PIEZO2: variants seen among roughly 807,000 people sequenced by gnomAD.
PIEZO2 encodes the protein piezo type mechanosensitive ion channel component 2.
In PIEZO2, 172 loss-of-function variants were observed where a neutral mutation model predicts 337.3. The ratio of observed to expected loss-of-function variants is 0.51; its 90% CI spans 0.45 to 0.58. The LOEUF (loss-of-function observed/expected upper bound fraction) is 0.58, where lower values mean the gene tolerates loss of function less well. Among genes scored for constraint, PIEZO2 ranks in the 20% least tolerant of loss-of-function variants. The probability of loss-of-function intolerance (pLI) is 0.00; values close to 1 mark genes in which losing one functional copy is unlikely to be tolerated. For missense variants in PIEZO2, 3,028 were observed against 3,391.3 expected (o/e 0.89, Z 2.66); for synonymous variants, 1,251 against 1,228.5 (o/e 1.02, Z -0.38).
Position 10,929,129 on chromosome 18 carries a change from T to C in PIEZO2, c.287-17901A>G, listed in dbSNP as rs1293024166. 3.3e-5 allele frequency among the ~76,000 whole-genome samples: 5 copies of C among 152,184 alleles called. No individual in the cohort carries two copies. Among genetic ancestry groups the C allele is most frequent in the Non-Finnish European group, 7.3e-5 (5 of 68,028 alleles). ...AGGTATCCATGCATCAGTCTTTATGTAAACACTCACAGCATTAACCACAGC... is the reference window on the plus strand; with the variant it reads ...AGGTATCCATGCATCAGTCTTTATGCAAACACTCACAGCATTAACCACAGC... On this transcript the variant is annotated intron_variant, in intron 3 of 55. Coordinates refer to ENST00000674853, the MANE Select transcript of PIEZO2 (RefSeq NM_001378183.1). The surrounding 1 kb of genome is among the most constrained non-coding windows in gnomAD (Gnocchi z 5.6).
At chr18:10,928,103 C>T (rs999283634) in intron 3 of PIEZO2, among the ~76,000 whole-genome samples, 2 of 152,044 alleles carry the variant, frequency 1.3e-5, no homozygotes, top group African/African-American at 4.8e-5. Context: ...GAAAGCAATA[C>T]GTGAAGGCTC....
intron 36 of PIEZO2, among the ~76,000 whole-genome samples, chr18:10,720,327 A>AT (rs2036218653): frequency 7.5e-6 from 1 of 133,846 alleles, no homozygotes; most frequent in Non-Finnish European, 1.6e-5. Context: ...ATATATATAT[A>AT]ATATATATAT....
Position 10,974,061 on chromosome 18 carries a change from T to G in PIEZO2, c.286+5474A>C, listed in dbSNP as rs140969586. On this transcript the variant is annotated intron_variant, in intron 3 of 55. Transcript: ENST00000674853. ...TGTGTGCCAAGGGATGAGTCAGCACTTGTACTGGCAAGCAGAGTATACACA... is the reference window on the plus strand; with the variant it reads ...TGTGTGCCAAGGGATGAGTCAGCACGTGTACTGGCAAGCAGAGTATACACA... Among the ~76,000 whole-genome samples, 724 of 152,238 alleles carry G rather than the reference T, an allele frequency of 4.8e-3. 6 individuals carry two copies. Among genetic ancestry groups the G allele is most frequent in the African/African-American group, 0.017 (703 of 41,540 alleles).
At chr18:11,100,096 T>G (rs1406585000) in intron 1 of PIEZO2, among the ~76,000 whole-genome samples, 1 of 152,196 alleles carries the variant, frequency 6.6e-6, no homozygotes, top group African/African-American at 2.4e-5. Context: ...ATGTATAAAA[T>G]GGAAAACTGA....
intron 2 of PIEZO2, among the ~76,000 whole-genome samples, chr18:11,006,864 T>C (rs16975630): frequency 0.12 from 18,870 of 152,170 alleles, 1,482 homozygotes; most frequent in Admixed American, 0.21. Context: ...CTTTTCATTA[T>C]ATTACCTATA....
chr18:11,026,831 G>T (rs1350881203), intron 2 of PIEZO2, among the ~76,000 whole-genome samples: 6 of 152,146 alleles, frequency 3.9e-5, no homozygotes, highest in Admixed American at 3.3e-4. Flanking sequence ...TTAGAACATG[G>T]ACCAGATCAC....
intron 2 of PIEZO2, among the ~76,000 whole-genome samples, chr18:11,065,011 T>G (rs1350238879): frequency 6.6e-6 from 1 of 152,204 alleles, no homozygotes; most frequent in African/African-American, 2.4e-5. Context: ...TAAACTCACA[T>G]TTCTCTACCC....
intron 4 of PIEZO2, among the ~76,000 whole-genome samples, chr18:10,885,813 A>C (rs1238854165): frequency 6.6e-6 from 1 of 152,148 alleles, no homozygotes; most frequent in African/African-American, 2.4e-5. Context: ...AAACCAAGCT[A>C]TTTGCTCTGC....
chr18:11,029,295 C>T (rs2036647602), intron 2 of PIEZO2, among the ~76,000 whole-genome samples: 2 of 152,198 alleles, frequency 1.3e-5, no homozygotes, highest in Non-Finnish European at 2.9e-5. Context: ...TGTCCTGCTG[C>T]TAAAACTTGA....
intron 49 of PIEZO2, among the ~76,000 whole-genome samples, chr18:10,683,768 T>C (rs977932000): frequency 2.0e-5 from 3 of 152,178 alleles, no homozygotes; most frequent in African/African-American, 7.2e-5. Flanking sequence ...GCACCCACAC[T>C]GGATCATGAA....
intron 18 of PIEZO2, among the ~76,000 whole-genome samples, chr18:10,779,744 C>T (rs553337422): frequency 1.6e-4 from 24 of 152,138 alleles, no homozygotes; most frequent in Admixed American, 7.9e-4. Flanking sequence ...ATGGGTAAGG[C>T]GCTGGGGTTA....
In PIEZO2 at chr18:11,021,691, GA is replaced by G. The variant is rs1336136315; in HGVS notation, c.161-42032del. Among the ~76,000 whole-genome samples, 3 of 152,180 alleles carry G rather than the reference GA, an allele frequency of 2.0e-5. No homozygotes were observed. Among genetic ancestry groups the G allele is most frequent in the Non-Finnish European group, 4.4e-5 (3 of 68,042 alleles). On this transcript the variant is annotated intron_variant, in intron 2 of 55. Coordinates refer to ENST00000674853, the MANE Select transcript of PIEZO2 (RefSeq NM_001378183.1). The surrounding 1 kb of genome is among the most constrained non-coding windows in gnomAD (Gnocchi z 4.7). The stretch of plus-strand genomic sequence containing the variant: ...GTAACTGCACTGATGGAATGAATGA[GA>G]AAACCACGTCCCTCCCACCCATGCC...
intron 2 of PIEZO2, among the ~76,000 whole-genome samples, chr18:11,020,594 A>G (rs568719062): frequency 4.5e-4 from 68 of 152,296 alleles, no homozygotes; most frequent in African/African-American, 1.3e-3. Flanking sequence ...ACTACTGTCT[A>G]AACTCCCCAG....
chr18:11,050,020 T>C (rs1568329133), intron 2 of PIEZO2, among the ~76,000 whole-genome samples: 2 of 152,176 alleles, frequency 1.3e-5, no homozygotes, highest in African/African-American at 2.4e-5. Context: ...CTGAGAATTA[T>C]AGGCTGCCTG....
intron 1 of PIEZO2, among the ~76,000 whole-genome samples, chr18:11,068,896 T>C (rs766474366): frequency 6.6e-6 from 1 of 152,112 alleles, no homozygotes; most frequent in African/African-American, 2.4e-5. Context: ...TGAGCAATTA[T>C]ACATTAATAA....
chr18:10,802,301 C>T (rs2039850776), intron 9 of PIEZO2, among the ~76,000 whole-genome samples: 1 of 152,058 alleles, frequency 6.6e-6, no homozygotes, highest in Non-Finnish European at 1.5e-5. Context: ...GGTCAGTACT[C>T]ATTTGCATTC....
At chr18:11,046,801 A>G (rs1343282997) in intron 2 of PIEZO2, among the ~76,000 whole-genome samples, 1 of 152,240 alleles carries the variant, frequency 6.6e-6, no homozygotes, top group Non-Finnish European at 1.5e-5. Context: ...GATACAATCT[A>G]CTGTGCAGTG....
intron 43 of PIEZO2, among the ~76,000 whole-genome samples, chr18:10,701,308 C>T (rs566973008): frequency 6.6e-6 from 1 of 152,356 alleles, no homozygotes; most frequent in Admixed American, 6.5e-5. Context: ...TAATTCACAG[C>T]ATGTGAGAAG....
chr18:10,756,249 T>C (rs1484719708), intron 27 of PIEZO2, among the ~76,000 whole-genome samples: 1 of 136,906 alleles, frequency 7.3e-6, no homozygotes, highest in South Asian at 2.4e-4. Flanking sequence ...AGATGAGGGA[T>C]AAAGGATGAG....
Sources: allele counts gnomAD v4.1 joint callset (sites outside exome capture counted in the v4.1 genomes callset), GRCh38; gene constraint gnomAD v4.1.1; non-coding constraint Gnocchi (gnomAD v3.1); transcripts MANE v1.5; gene names NCBI Gene and HGNC (gene_info 2026-07-23, HGNC 2026-07-21).